Variants in TTC27 observed in about 807,000 individuals in gnomAD.
The protein encoded by TTC27 is tetratricopeptide repeat domain 27.
TTC27 carries 79 observed loss-of-function variants against 115.9 expected under a neutral mutation model. The observed-to-expected ratio is 0.68, with a 90% CI of 0.57 to 0.82. TTC27 has a LOEUF of 0.82. Among genes scored for constraint, TTC27 ranks in the 40% least tolerant of loss-of-function variants. The pLI is 0.00. For synonymous variants in TTC27, 401 were observed against 356.0 expected (o/e 1.13, Z -1.42); for missense variants, 1,054 against 993.1 (o/e 1.06, Z -0.82).
At chr2:32,743,433 C>A (rs906920062) in intron 12 of TTC27, among the ~76,000 whole-genome samples, 1 of 152,150 alleles carries the variant, frequency 6.6e-6, no homozygotes, top group Non-Finnish European at 1.5e-5. Flanking sequence ...TTCCTGGAAT[C>A]CTAGTGGTGC....
At chr2:32,767,453 G>GTTTTTTTTTTTTTTTT (rs397754905) in intron 13 of TTC27, among the ~76,000 whole-genome samples, 6 of 114,248 alleles carry the variant, frequency 5.3e-5, no homozygotes, top group Non-Finnish European at 1.0e-4. Flanking sequence ...GTTTTTTTTT[G>GTTTTTTTTTTTTTTTT]TTTTTTTTTT....
rs373094945 is a variant in TTC27 at position 32,814,421 on chromosome 2, C to T, written c.2308+1806C>T. On this transcript the variant is annotated intron_variant, in intron 18 of 19. Coordinates refer to ENST00000317907, the MANE Select transcript of TTC27 (RefSeq NM_017735.5). The stretch of plus-strand genomic sequence containing the variant: ...CGTATTTGAGTGGATGCCCAGCTTT[C>T]GTTTCTGATGATATTTTAGATTTAC... Among the ~76,000 whole-genome samples the T allele has an allele frequency of 1.2e-3, 184 of 152,284 alleles. 1 individual carries two copies. The highest frequency in any genetic ancestry group is 9.1e-3 in the South Asian group (44 of 4,820).
intron 4 of TTC27, among the ~76,000 whole-genome samples, chr2:32,648,393 G>C (rs1180798219): frequency 6.7e-6 from 1 of 150,214 alleles, no homozygotes; most frequent in Non-Finnish European, 1.5e-5. Context: ...GCCTCCCATA[G>C]TGCTAGGACT....
At chr2:32,721,890 T>C (rs1667944784) in intron 10 of TTC27, among the ~76,000 whole-genome samples, 1 of 152,180 alleles carries the variant, frequency 6.6e-6, no homozygotes, top group Non-Finnish European at 1.5e-5. Context: ...AGCACTGGGA[T>C]TCTAGGTATA....
intron 13 of TTC27, among the ~76,000 whole-genome samples, chr2:32,777,063 C>T (rs1670018814): frequency 6.6e-6 from 1 of 152,150 alleles, no homozygotes; most frequent in African/African-American, 2.4e-5. Context: ...TGGCTTAGGT[C>T]ATACTTTACA....
At chr2:32,818,561 C>A (rs1671583124) in intron 19 of TTC27, among the ~76,000 whole-genome samples, 1 of 152,172 alleles carries the variant, frequency 6.6e-6, no homozygotes, top group Non-Finnish European at 1.5e-5. Context: ...AGATTCAGGT[C>A]TGGGATGGAC....
intron 10 of TTC27, among the ~76,000 whole-genome samples, chr2:32,710,444 T>C (rs975616840): frequency 3.3e-5 from 5 of 151,084 alleles, no homozygotes; most frequent in African/African-American, 7.3e-5. Context: ...TTTTTTTTTT[T>C]CTGAGATGGA....
intron 13 of TTC27, among the ~76,000 whole-genome samples, chr2:32,761,398 C>T (rs746238006): frequency 1.3e-5 from 2 of 152,184 alleles, no homozygotes; most frequent in African/African-American, 2.4e-5. Context: ...TCCTGCCTTT[C>T]TCCTTGCCCC....
intron 13 of TTC27, 122 bp downstream of exon 13, chr2:32,758,641 A>G (rs896122194): frequency 3.6e-5 from 32 of 896,808 alleles, no homozygotes; most frequent in Non-Finnish European, 3.4e-6. Context: ...GACAGCTAAG[A>G]ACTTAGTCTC....
At chr2:32,757,668 A>G (rs928160699) in intron 12 of TTC27, among the ~76,000 whole-genome samples, 8 of 152,146 alleles carry the variant, frequency 5.3e-5, no homozygotes, top group South Asian at 2.1e-4. Flanking sequence ...TACTTAATAG[A>G]CTACAGTATA....
At chr2:32,815,454 G>A (rs1165167768) in intron 18 of TTC27, among the ~76,000 whole-genome samples, 1 of 151,514 alleles carries the variant, frequency 6.6e-6, no homozygotes, top group Non-Finnish European at 1.5e-5. Flanking sequence ...AGCCAGAATG[G>A]TCTCAATCTC....
rs141355130 is a variant in TTC27, at chr2:32,700,036, T to C, written c.1120-2771T>C. ...CTGAGCTGGTCTGTGCACTGCACCA[T>C]TGTTGCTAGCAGAATGATCAGTGTG... On this transcript the variant is annotated intron_variant, in intron 9 of 19. Coordinates refer to ENST00000317907, the MANE Select transcript of TTC27 (RefSeq NM_017735.5). Among the ~76,000 whole-genome samples, 1,418 of 152,276 alleles carry C rather than the reference T, an allele frequency of 9.3e-3. 11 individuals are homozygous for C. The highest frequency in any genetic ancestry group is 0.024 in the Middle Eastern group (7 of 294).
At position 32,647,984 on chromosome 2, in the gene TTC27, TATC is replaced by T. The variant is rs1423756728; in HGVS notation, c.538-2144_538-2142del. ...TTATAATGAGCTTATCAAAATTACT[TATC>T]ATAACTTGTACACATGTACATATAC... On this transcript the variant is annotated intron_variant, in intron 4 of 19. Coordinates refer to ENST00000317907, the MANE Select transcript of TTC27 (RefSeq NM_017735.5). Among the ~76,000 whole-genome samples, 6 of 152,320 alleles carry T rather than the reference TATC, an allele frequency of 3.9e-5. No individual in the cohort carries two copies. In the South Asian group the frequency reaches 8.3e-4, roughly 21 times the overall value.
At chr2:32,791,897 C>T (rs1464061740) in intron 16 of TTC27, among the ~76,000 whole-genome samples, 1 of 152,028 alleles carries the variant, frequency 6.6e-6, no homozygotes, top group African/African-American at 2.4e-5. Context: ...AATAAAATAA[C>T]AAAATAAAAA....
chr2:32,630,191 C>G (rs1290406093), intron 1 of TTC27, among the ~76,000 whole-genome samples: 2 of 152,176 alleles, frequency 1.3e-5, no homozygotes, highest in East Asian at 3.9e-4. Flanking sequence ...AGTTTTAGAA[C>G]CTTGACTAAG....
At chr2:32,692,313 G>A (rs188525547) in intron 9 of TTC27, among the ~76,000 whole-genome samples, 34 of 151,958 alleles carry the variant, frequency 2.2e-4, no homozygotes, top group Admixed American at 1.9e-3. Flanking sequence ...AGAATCCATG[G>A]TTAAAAATAA....
chr2:32,815,171 G>A (rs995803871), intron 18 of TTC27, among the ~76,000 whole-genome samples: 2 of 141,452 alleles, frequency 1.4e-5, no homozygotes, highest in Admixed American at 1.5e-4. Flanking sequence ...TTTAAAATAA[G>A]AGTTAATGCA....
In TTC27 at chr2:32,790,111, T is replaced by C. The variant is rs371114279; in HGVS notation, c.1998+2962T>C. 6.5e-4 allele frequency among the ~76,000 whole-genome samples: 98 copies of C among 150,700 alleles called. 1 individual carries two copies. Among genetic ancestry groups the C allele is most frequent in the African/African-American group, 2.3e-3 (94 of 41,446 alleles). The stretch of plus-strand genomic sequence containing the variant: ...TGATTTAACTTTTATCTTAAGTAGA[T>C]TTTTTCAAACATATTTTAGTGGTCA... On this transcript the variant is annotated intron_variant, in intron 16 of 19. Transcript: ENST00000317907.
chr2:32,792,974 G>A (rs550508865), intron 16 of TTC27, among the ~76,000 whole-genome samples: 14 of 152,286 alleles, frequency 9.2e-5, no homozygotes, highest in African/African-American at 3.4e-4. Flanking sequence ...CATTCCCTAA[G>A]TGTGGTTCCT....
Sources: allele counts gnomAD v4.1 joint callset (sites outside exome capture counted in the v4.1 genomes callset), GRCh38; gene constraint gnomAD v4.1.1; transcripts MANE v1.5; gene names NCBI Gene and HGNC (gene_info 2026-07-23, HGNC 2026-07-21).